The following ST3GAL1 variants were observed in gnomAD, a reference collection of about 807,000 sequenced individuals.
The protein encoded by ST3GAL1 is CMP-N-acetylneuraminate-beta-galactosamide-alpha-2,3-sialyltransferase 1.
In ST3GAL1, 16 loss-of-function variants were observed where a neutral mutation model predicts 34.1. The ratio of observed to expected loss-of-function variants is 0.47; its 90% confidence interval spans 0.32 to 0.71. The LOEUF is 0.71. ST3GAL1 is among the 30% of genes least tolerant of loss of function. The pLI, the probability that ST3GAL1 is intolerant of heterozygous loss-of-function variation, is 0.04. For missense variants in ST3GAL1, 353 were observed against 447.4 expected (o/e 0.79, Z 1.90); for synonymous variants, 191 against 184.7 (o/e 1.03, Z -0.28).
intron 2 of ST3GAL1, among the ~76,000 whole-genome samples, chr8:133,540,756 TATATAG>T (rs1452280032): frequency 3.6e-5 from 3 of 83,240 alleles, no homozygotes; most frequent in African/African-American, 1.6e-4. Flanking sequence ...CATATATATA[TATATAG>T]ACATATATAT....
intron 3 of ST3GAL1, among the ~76,000 whole-genome samples, chr8:133,485,852 C>T (rs1488824865): frequency 1.3e-5 from 2 of 151,978 alleles, no homozygotes; most frequent in Admixed American, 6.6e-5. Flanking sequence ...GGGCTGTTTG[C>T]GGTGACCCCC....
At chr8:133,525,385 G>A (rs1020338833) in intron 2 of ST3GAL1, among the ~76,000 whole-genome samples, 39 of 152,308 alleles carry the variant, frequency 2.6e-4, no homozygotes, top group Non-Finnish European at 4.6e-4. Context: ...AAGGGAGGAA[G>A]TGTGTGCTGA....
intron 1 of ST3GAL1, among the ~76,000 whole-genome samples, chr8:133,549,700 C>T (rs139885686): frequency 3.3e-3 from 496 of 152,260 alleles, no homozygotes; most frequent in African/African-American, 0.011. Context: ...TGGTGGCTCA[C>T]GCCTGTAATC....
intron 1 of ST3GAL1, among the ~76,000 whole-genome samples, chr8:133,548,493 A>T (rs1818734323): frequency 6.6e-6 from 1 of 152,244 alleles, no homozygotes; most frequent in East Asian, 1.9e-4. Flanking sequence ...GGGCAAGGGC[A>T]TGTCTGCCCT....
chr8:133,549,612 A>C (rs1818782074), intron 1 of ST3GAL1, among the ~76,000 whole-genome samples: 1 of 152,036 alleles, frequency 6.6e-6, no homozygotes, highest in African/African-American at 2.4e-5. Context: ...ATAAGTTGGC[A>C]ATGGCATTGG....
rs1423450823 is a variant in ST3GAL1 at position 133,556,743 on chromosome 8, G to C, written c.-581-10817C>G. Among the ~76,000 whole-genome samples, 1 of 152,202 alleles carries C rather than the reference G, an allele frequency of 6.6e-6. No individual in the cohort carries two copies. Among genetic ancestry groups the C allele is most frequent in the Non-Finnish European group, 1.5e-5 (1 of 68,048 alleles). ...ACACGGCTGACATCATATAAAGTCT[G>C]TCCCTGGCAAATGTGACCCAGAATG... On this transcript the variant is annotated intron_variant, in intron 1 of 9. Transcript: ENST00000522652. This position sits in a 1 kb window ranked among gnomAD's most constrained non-coding sequence, Gnocchi z 8.9.
intron 1 of ST3GAL1, chr8:133,567,016 G>T (rs990494129): frequency 6.6e-6 from 1 of 152,170 alleles, no homozygotes; most frequent in Non-Finnish European, 1.5e-5. Context: ...TTATTATTAT[G>T]ATTATTATTA....
chr8:133,545,512 G>A (rs926281046), intron 2 of ST3GAL1, among the ~76,000 whole-genome samples: 8 of 152,296 alleles, frequency 5.3e-5, no homozygotes, highest in Middle Eastern at 3.4e-3. Flanking sequence ...GTGTTCATGA[G>A]AGCTCAGAAA....
At position 133,557,710 on chromosome 8, in the gene ST3GAL1, T is replaced by A. The variant is rs145496867; in HGVS notation, c.-581-11784A>T. 5.3e-5 allele frequency among the ~76,000 whole-genome samples: 8 copies of A among 152,050 alleles called. No individual in the cohort carries two copies. In the East Asian group the frequency reaches 1.5e-3, roughly 29 times the overall value. On this transcript the variant is annotated intron_variant, in intron 1 of 9. Transcript: ENST00000522652. ...TAAAAATACAAAAATTAGCCAGGCG[T>A]GGTGGCGCGTGCCTGTAATCCCAGC...
intron 2 of ST3GAL1, among the ~76,000 whole-genome samples, chr8:133,513,274 C>T (rs758610867): frequency 1.3e-5 from 2 of 152,148 alleles, no homozygotes; most frequent in Non-Finnish European, 2.9e-5. Flanking sequence ...CGCCCACTCT[C>T]GCCTCTTCTC....
chr8:133,463,898 G>T (rs550688625), intron 7 of ST3GAL1, among the ~76,000 whole-genome samples: 40 of 152,274 alleles, frequency 2.6e-4, no homozygotes, highest in African/African-American at 9.4e-4. Flanking sequence ...CTGGTCCCAC[G>T]GGTGTGATTC....
At chr8:133,554,791 A>C (rs1488877843) in intron 1 of ST3GAL1, among the ~76,000 whole-genome samples, 1 of 143,774 alleles carries the variant, frequency 7.0e-6, no homozygotes, top group African/African-American at 2.6e-5. Flanking sequence ...CAGTGGCGCG[A>C]TCTCGGCTCA....
At chr8:133,462,181 G>T (rs970911333) in intron 8 of ST3GAL1, among the ~76,000 whole-genome samples, 187 bp from the exon 9 acceptor site, 4 of 152,174 alleles carry the variant, frequency 2.6e-5, no homozygotes, top group Non-Finnish European at 5.9e-5. Flanking sequence ...AGAGACAGAG[G>T]TGCTGAGCTA....
In ST3GAL1 at chr8:133,461,346, G is replaced by A. The variant is rs559661416; in HGVS notation, c.849+529C>T. The stretch of plus-strand genomic sequence containing the variant: ...CAGCAAACCTCTCAGAGCATAAGTG[G>A]AAACCCGAACACAGCCTAGCGGACA... On this transcript the variant is annotated intron_variant, in intron 9 of 9. Coordinates refer to ENST00000522652, the MANE Select transcript of ST3GAL1 (RefSeq NM_173344.3). The surrounding 1 kb of genome is among the most constrained non-coding windows in gnomAD (Gnocchi z 4.7). Among the ~76,000 whole-genome samples, 1 of 152,176 alleles carries A rather than the reference G, an allele frequency of 6.6e-6. No homozygotes were observed. Among genetic ancestry groups the A allele is most frequent in the Non-Finnish European group, 1.5e-5 (1 of 68,040 alleles).
At chr8:133,477,612 G>A (rs1013000321) in intron 3 of ST3GAL1, among the ~76,000 whole-genome samples, 27 of 152,150 alleles carry the variant, frequency 1.8e-4, no homozygotes, top group African/African-American at 6.5e-4. Context: ...AGATTACTAC[G>A]GCTGGAGGGA....
At chr8:133,465,377 G>A (rs954533170) in intron 6 of ST3GAL1, among the ~76,000 whole-genome samples, 6 of 152,132 alleles carry the variant, frequency 3.9e-5, no homozygotes, top group African/African-American at 1.4e-4. Flanking sequence ...TATTCTAGAA[G>A]GCTGCTGGGG....
At chr8:133,502,426 T>TAA (rs57572575) in intron 2 of ST3GAL1, among the ~76,000 whole-genome samples, 39,756 of 140,450 alleles carry the variant, frequency 0.28, 5,703 homozygotes, top group East Asian at 0.36. Context: ...GATGTCCTTA[T>TAA]AAAAAAAAAA....
At chr8:133,474,709 G>A (rs1210239253) in intron 5 of ST3GAL1, among the ~76,000 whole-genome samples, 1 of 152,136 alleles carries the variant, frequency 6.6e-6, no homozygotes, top group African/African-American at 2.4e-5. Flanking sequence ...CACCTGCAGT[G>A]CATGGTCCTG....
At chr8:133,491,403 G>A (rs1312909075) in intron 3 of ST3GAL1, among the ~76,000 whole-genome samples, 1 of 152,102 alleles carries the variant, frequency 6.6e-6, no homozygotes, top group Non-Finnish European at 1.5e-5. Flanking sequence ...GCTGGAGGCT[G>A]ATAAAGAAGA....
Sources: gnomAD v4.1 joint callset for allele counts (sites outside exome capture counted in the v4.1 genomes callset) on GRCh38, gnomAD v4.1.1 for gene constraint, Gnocchi (gnomAD v3.1) non-coding constraint, MANE v1.5 for transcripts, NCBI Gene and HGNC (gene_info 2026-07-23, HGNC 2026-07-21) for gene names.